ALK: variants seen among roughly 807,000 people sequenced by gnomAD.
ALK encodes the protein ALK tyrosine kinase receptor.
In ALK, 74 loss-of-function variants were observed where a neutral mutation model predicts 163.1. That is an observed-to-expected ratio of 0.45 (90% CI 0.38 to 0.55). The LOEUF (loss-of-function observed/expected upper bound fraction) is 0.55. Ranked by LOEUF, ALK falls within the 20% of genes least tolerant of loss-of-function variation. The pLI, the probability that ALK is intolerant of heterozygous loss-of-function variation, is 0.00. For missense variants in ALK, 2,063 were observed against 2,105.3 expected, an observed-to-expected ratio of 0.98 and a Z score of 0.39; for synonymous variants, 960 against 843.2, an observed-to-expected ratio of 1.14 and a Z score of -2.40.
At chr2:29,295,834 G>A (rs879629012) in intron 9 of ALK, among the ~76,000 whole-genome samples, 1 of 152,106 alleles carries the variant, frequency 6.6e-6, no homozygotes, top group East Asian at 1.9e-4. Context: ...GCTGTGGGTT[G>A]TAAGGGTTGA....
chr2:29,228,948 T>A lies in ALK; in HGVS notation c.2751A>T (p.Thr917=). Reference sequence around the variant, plus strand: ...CTCCACCCCCTCCGAAACCCCCTCTTGTCTCCCACCCCCACTTCTTCATGG... The same window carrying A: ...CTCCACCCCCTCCGAAACCCCCTCTAGTCTCCCACCCCCACTTCTTCATGG... ...PQAMKKWGWE[T]RGGFGGGGGG... is the part of the protein sequence containing the mutation. The change falls in exon 16 of 29, where the codon ACA becomes ACT. Residue 917 remains threonine (T), a synonymous_variant. Coordinates refer to ENST00000389048, the MANE Select transcript of ALK (RefSeq NM_004304.5). The A allele has an allele frequency of 2.0e-6, 2 of 993,360 alleles. No homozygotes were observed. Among genetic ancestry groups the A allele is most frequent in the Non-Finnish European group, 3.0e-6 (2 of 673,624 alleles). 61.5% of individuals were successfully genotyped at this position (993,360 alleles called of 1,614,324 possible).
intron 1 of ALK, among the ~76,000 whole-genome samples, chr2:29,780,990 AC>A: frequency 6.6e-6 from 1 of 152,302 alleles, no homozygotes; most frequent in South Asian, 2.1e-4. Flanking sequence ...AGAAAGAACT[AC>A]CCTGGGCTTC....
chr2:29,600,231 A>C (rs1675344411), intron 3 of ALK, among the ~76,000 whole-genome samples: 1 of 152,194 alleles, frequency 6.6e-6, no homozygotes, highest in Non-Finnish European at 1.5e-5. Context: ...TAAACCAAAA[A>C]TTCTCAAGCC....
chr2:29,321,500 G>A (rs777024106), intron 6 of ALK, among the ~76,000 whole-genome samples: 1 of 152,206 alleles, frequency 6.6e-6, no homozygotes, highest in Non-Finnish European at 1.5e-5. Context: ...CATATGATGT[G>A]CTCTGGCCAA....
chr2:29,871,082 G>A (rs1233635504), intron 1 of ALK, among the ~76,000 whole-genome samples: 4 of 152,174 alleles, frequency 2.6e-5, no homozygotes, highest in Non-Finnish European at 1.5e-5. Flanking sequence ...GAAATGTCTG[G>A]CTGGTCAACA....
chr2:29,705,246 T>C (rs1313123547), intron 2 of ALK, among the ~76,000 whole-genome samples: 3 of 29,774 alleles, frequency 1.0e-4, no homozygotes, highest in Non-Finnish European at 1.8e-4. Context: ...AAGAAATATA[T>C]ATATATATAT....
chr2:29,892,695 C>A (rs1667175706), intron 1 of ALK, among the ~76,000 whole-genome samples: 1 of 152,176 alleles, frequency 6.6e-6, no homozygotes, highest in Non-Finnish European at 1.5e-5. Flanking sequence ...ACACCATGAC[C>A]ACCCACGCTA....
chr2:29,466,146 A>G (rs1304723856), intron 4 of ALK, among the ~76,000 whole-genome samples: 1 of 152,238 alleles, frequency 6.6e-6, no homozygotes, highest in Admixed American at 6.5e-5. Context: ...TACTTCAGTA[A>G]ACTGAAGCTC....
At chr2:29,682,754 A>C (rs571692021) in intron 3 of ALK, among the ~76,000 whole-genome samples, 1 of 152,340 alleles carries the variant, frequency 6.6e-6, no homozygotes, top group African/African-American at 2.4e-5. Flanking sequence ...TATAACCGAA[A>C]GACTATTCTC....
intron 4 of ALK, among the ~76,000 whole-genome samples, chr2:29,420,393 C>G (rs1387059995): frequency 1.3e-5 from 2 of 151,386 alleles, no homozygotes; most frequent in Non-Finnish European, 2.9e-5. Flanking sequence ...ACCTGAGCAC[C>G]TTGAGGCATC....
chr2:29,885,156 G>T (rs1666955231), intron 1 of ALK, among the ~76,000 whole-genome samples: 2 of 152,114 alleles, frequency 1.3e-5, no homozygotes, highest in African/African-American at 2.4e-5. Flanking sequence ...TGCTAGTAAG[G>T]GACTACCCTT....
rs1159519171 is a variant in ALK, at chr2:29,522,845, T to C, written c.1154+9070A>G. 2.6e-5 allele frequency among the ~76,000 whole-genome samples: 4 copies of C among 152,106 alleles called. No homozygotes were observed. In the East Asian group the frequency reaches 7.7e-4, roughly 29 times the overall value. ...AAAAAATAGTTGTATGCACAGATTG[T>C]CCATATAGGTACTTGGAGTTTTCGT... On this transcript the variant is annotated intron_variant, in intron 4 of 28. Transcript: ENST00000389048.
chr2:29,377,221 T>C (rs1668773821), intron 5 of ALK, among the ~76,000 whole-genome samples: 1 of 152,216 alleles, frequency 6.6e-6, no homozygotes, highest in Non-Finnish European at 1.5e-5. Context: ...CTCACACCTG[T>C]AATCCCAGCA....
intron 3 of ALK, among the ~76,000 whole-genome samples, chr2:29,565,093 C>A (rs1234964745): frequency 3.3e-5 from 5 of 152,224 alleles, no homozygotes; most frequent in Non-Finnish European, 7.3e-5. Context: ...GGAGAAGGGA[C>A]TAATGTACAA....
At chr2:29,909,480 C>CAGACAGAGAG (rs1553378791) in intron 1 of ALK, among the ~76,000 whole-genome samples, 3 of 135,888 alleles carry the variant, frequency 2.2e-5, no homozygotes, top group Non-Finnish European at 4.8e-5. Context: ...GACAGACAGA[C>CAGACAGAGAG]AGAGAGAGAG....
chr2:29,209,664 AT>A, intron 25 of ALK, 121 bp downstream of exon 25: 1 of 727,672 alleles, frequency 1.4e-6, no homozygotes, highest in Non-Finnish European at 2.3e-6. Context: ...ACTTAGTGAA[AT>A]TTTAGGTAGA....
intron 3 of ALK, among the ~76,000 whole-genome samples, chr2:29,620,558 G>A (rs6736621): frequency 0.059 from 8,973 of 151,448 alleles, 454 homozygotes; most frequent in African/African-American, 0.13. Flanking sequence ...ATGCGAACAC[G>A]GAGTCGGGGC....
At position 29,671,899 on chromosome 2, in the gene ALK, T is replaced by A. The variant is rs1276230466; in HGVS notation, c.952+22951A>T. On this transcript the variant is annotated intron_variant, in intron 3 of 28. Coordinates refer to ENST00000389048, the MANE Select transcript of ALK (RefSeq NM_004304.5). ...AGCAAATAGCATTTTTAGATATAAA[T>A]ATTTAAAGAAATTTTTAGTTTTTAA... Among the ~76,000 whole-genome samples, 4 of 152,010 alleles carry A rather than the reference T, an allele frequency of 2.6e-5. No homozygotes were observed. The South Asian group carries it at 8.3e-4, about 31-fold the overall frequency.
At chr2:29,652,355 A>T (rs565557247) in intron 3 of ALK, among the ~76,000 whole-genome samples, 1 of 152,150 alleles carries the variant, frequency 6.6e-6, no homozygotes, top group Non-Finnish European at 1.5e-5. Flanking sequence ...TTCTCTTTGC[A>T]TGATGTGATT....
Sources: gnomAD v4.1 joint callset for allele counts (sites outside exome capture counted in the v4.1 genomes callset) on GRCh38, gnomAD v4.1.1 for gene constraint, MANE v1.5 for transcripts, NCBI Gene and HGNC (gene_info 2026-07-23, HGNC 2026-07-21) for gene names.